Variants in TNRC6A observed in about 807,000 individuals in gnomAD.
The protein encoded by TNRC6A is trinucleotide repeat-containing gene 6A protein.
Under a neutral mutation model 221.2 loss-of-function variants are expected in TNRC6A, and 44 were observed. That is an observed-to-expected ratio of 0.20 (90% confidence interval 0.16 to 0.26). TNRC6A has a LOEUF of 0.26. Ranked by LOEUF, TNRC6A falls within the 10% of genes least tolerant of loss-of-function variation. The pLI, the probability that TNRC6A is intolerant of heterozygous loss-of-function variation, is 1.00. For missense variants in TNRC6A, 2,199 were observed against 2,404.4 expected (o/e 0.91, Z 1.79); for synonymous variants, 847 against 838.5 (o/e 1.01, Z -0.18).
At chr16:24,674,089 G>A (rs2055359114) in intron 2 of TNRC6A, among the ~76,000 whole-genome samples, 1 of 151,794 alleles carries the variant, frequency 6.6e-6, no homozygotes, top group Non-Finnish European at 1.5e-5. Context: ...TTCTTTTTTT[G>A]AGACAGGGTT....
chr16:24,662,131 A>G (rs1289731196), intron 2 of TNRC6A: 1 of 152,124 alleles, frequency 6.6e-6, no homozygotes, highest in Non-Finnish European at 1.5e-5. Flanking sequence ...ACGTATAAAA[A>G]TTCCATGTAT....
At chr16:24,730,053 C>T (rs1374540242) in intron 1 of TNRC6A, among the ~76,000 whole-genome samples, 200 bp from the exon 2 acceptor site, 2 of 148,686 alleles carry the variant, frequency 1.3e-5, no homozygotes, top group Non-Finnish European at 1.5e-5. Flanking sequence ...GGGGCCAGGC[C>T]GGGGTTGCGC....
At chr16:24,805,198 C>A in intron 14 of TNRC6A, 47 bp downstream of exon 14, 1 of 1,601,738 alleles carries the variant, frequency 6.2e-7, no homozygotes, top group Non-Finnish European at 8.5e-7. Flanking sequence ...CAAAAAGGAT[C>A]TTGCATGATT....
At chr16:24,642,050 G>A (rs1243942410) in intron 2 of TNRC6A, among the ~76,000 whole-genome samples, 2 of 152,222 alleles carry the variant, frequency 1.3e-5, no homozygotes, top group Non-Finnish European at 2.9e-5. Context: ...TTTCCAGGCA[G>A]GGAGAGCTGA....
chr16:24,674,306 T>C (rs532967107), intron 2 of TNRC6A, among the ~76,000 whole-genome samples: 120 of 152,168 alleles, frequency 7.9e-4, no homozygotes, highest in Non-Finnish European at 1.5e-3. Flanking sequence ...TAAGTTTAAA[T>C]TCAATAGAGG....
intron 1 of TNRC6A, 53 bp downstream of exon 1, chr16:24,729,899 C>G (rs1473352988): frequency 1.7e-6 from 2 of 1,206,282 alleles, no homozygotes; most frequent in African/African-American, 1.6e-5. Flanking sequence ...GGCGCTGCCG[C>G]AGGGCCCGCA....
chr16:24,677,833 C>A (rs1004677521), intron 2 of TNRC6A, among the ~76,000 whole-genome samples: 2 of 152,138 alleles, frequency 1.3e-5, no homozygotes, highest in Admixed American at 6.6e-5. Flanking sequence ...TTCCCTTGAA[C>A]TGTTTGTTTC....
At chr16:24,797,607 ATGG>A (rs755805490) in intron 10 of TNRC6A, 37 bp downstream of exon 10, 2 of 1,440,296 alleles carry the variant, frequency 1.4e-6, no homozygotes, top group South Asian at 2.4e-5. Flanking sequence ...TCCTCTTTTA[ATGG>A]TGGTCCATGA....
intron 2 of TNRC6A, among the ~76,000 whole-genome samples, chr16:24,737,682 T>G (rs988701927): frequency 2.0e-5 from 3 of 152,248 alleles, no homozygotes; most frequent in Admixed American, 6.5e-5. Context: ...CAAACAAGAT[T>G]AAGCCAACTC....
chr16:24,664,436 A>G (rs2055101817), intron 2 of TNRC6A, among the ~76,000 whole-genome samples: 1 of 145,484 alleles, frequency 6.9e-6, no homozygotes. Context: ...ATAAATATGA[A>G]TATAATAAAA....
intron 1 of TNRC6A, among the ~76,000 whole-genome samples, chr16:24,639,218 C>A (rs192949426): frequency 5.3e-5 from 8 of 152,270 alleles, no homozygotes; most frequent in South Asian, 4.1e-4. Context: ...CGTGTGGTAG[C>A]TCATGCCTGT....
chr16:24,637,587 G>A (rs189649757), intron 1 of TNRC6A, among the ~76,000 whole-genome samples: 70 of 152,272 alleles, frequency 4.6e-4, no homozygotes, highest in African/African-American at 1.7e-3. Flanking sequence ...TTGGAAGTGA[G>A]GGAACCACAG....
chr16:24,793,797 T>C (rs1456997920), intron 7 of TNRC6A, 148 bp downstream of exon 7: 44 of 749,768 alleles, frequency 5.9e-5, no homozygotes, highest in Non-Finnish European at 7.8e-5. Flanking sequence ...TTTTGCTCTT[T>C]GATTTTGTAA....
chr16:24,693,708 T>C (rs2055801001), intron 2 of TNRC6A, among the ~76,000 whole-genome samples: 1 of 152,164 alleles, frequency 6.6e-6, no homozygotes, highest in South Asian at 2.1e-4. Context: ...AAGACAAGCC[T>C]GGGCAACATG....
chr16:24,687,822 G>GGAAGAGGAAGAA (rs2055657801), intron 2 of TNRC6A, among the ~76,000 whole-genome samples: 1 of 44,660 alleles, frequency 2.2e-5, no homozygotes, highest in East Asian at 5.3e-4. Flanking sequence ...AAGAGGAAGA[G>GGAAGAGGAAGAA]GAAGAAGAGG....
intron 2 of TNRC6A, among the ~76,000 whole-genome samples, chr16:24,664,174 A>C (rs1030821216): frequency 6.6e-6 from 1 of 151,948 alleles, no homozygotes; most frequent in African/African-American, 2.4e-5. Flanking sequence ...TCTACTAAAA[A>C]TACAAAAATT....
intron 2 of TNRC6A, among the ~76,000 whole-genome samples, chr16:24,649,162 T>A (rs965594518): frequency 1.7e-4 from 26 of 152,066 alleles, no homozygotes; most frequent in African/African-American, 5.3e-4. Context: ...AAATAAATAA[T>A]TGACAAGTAA....
At chr16:24,773,777 C>CT (rs1267526468) in intron 4 of TNRC6A, among the ~76,000 whole-genome samples, 1 of 150,634 alleles carries the variant, frequency 6.6e-6, no homozygotes, top group Non-Finnish European at 1.5e-5. Context: ...CTTTATAATG[C>CT]TTTTCTCTTT....
chr16:24,681,439 G>A (rs1293955683), intron 2 of TNRC6A, among the ~76,000 whole-genome samples: 1 of 152,020 alleles, frequency 6.6e-6, no homozygotes, highest in Non-Finnish European at 1.5e-5. Context: ...TGTTGGCCAG[G>A]CTAGTCTCAA....
Sources: gnomAD v4.1 joint callset for allele counts (sites outside exome capture counted in the v4.1 genomes callset) on GRCh38, gnomAD v4.1.1 for gene constraint, MANE v1.5 for transcripts, NCBI Gene and HGNC (gene_info 2026-07-23, HGNC 2026-07-21) for gene names.